Variants in SLC38A8 observed in about 807,000 individuals in gnomAD.
SLC38A8 encodes the protein amino acid transporter SLC38A8.
In SLC38A8, 65 loss-of-function variants were observed where a neutral mutation model predicts 46.0. The observed-to-expected ratio is 1.41, with a 90% confidence interval of 1.16 to 1.74. The LOEUF is 1.74. SLC38A8 is among the 40% of genes most tolerant of loss of function. The pLI, the probability that SLC38A8 is intolerant of heterozygous loss-of-function variation, is 0.00. For missense variants in SLC38A8, 998 were observed against 567.9 expected (o/e 1.76, Z -7.70); for synonymous variants, 447 against 243.7 (o/e 1.83, Z -7.77).
chr16:84,030,482 C>A (rs950185531), intron 5 of SLC38A8, among the ~76,000 whole-genome samples: 1 of 152,004 alleles, frequency 6.6e-6, no homozygotes, highest in Non-Finnish European at 1.5e-5. Context: ...CCGGACCTCT[C>A]TCTCTGAACT....
chr16:84,024,594 A>T (rs2085139155), intron 6 of SLC38A8, among the ~76,000 whole-genome samples: 1 of 151,842 alleles, frequency 6.6e-6, no homozygotes, highest in Non-Finnish European at 1.5e-5. Context: ...CAGCCTGGCC[A>T]ACATGGTGAA....
chr16:84,013,071 C>T lies in SLC38A8; in HGVS notation c.1163-19G>A. The T allele has an allele frequency of 6.2e-7, 1 of 1,613,976 alleles. No individual in the cohort carries two copies. The highest frequency in any genetic ancestry group is 8.5e-7 in the Non-Finnish European group (1 of 1,179,910). ...CACAAACCTGCAAAAAAGACAGGGT[C>T]ACCCACAGTTCTTCGTTATCAAACC... On this transcript the variant is annotated intron_variant, in intron 9 of 10. Coordinates refer to ENST00000299709, the MANE Select transcript of SLC38A8 (RefSeq NM_001080442.3).
At chr16:84,032,012 T>G (rs1205726202) in intron 4 of SLC38A8, 44 bp from the exon 5 acceptor site, 2 of 1,517,034 alleles carry the variant, frequency 1.3e-6, no homozygotes, top group African/African-American at 1.4e-5. Context: ...GGGTGACATG[T>G]GCGGTTGATG....
At chr16:84,026,634 G>A (rs968074814) in intron 6 of SLC38A8, among the ~76,000 whole-genome samples, 4 of 152,192 alleles carry the variant, frequency 2.6e-5, no homozygotes, top group African/African-American at 9.6e-5. Context: ...ACAGGAAGAC[G>A]ACACAGTGGC....
chr16:84,025,155 G>A (rs964455664), intron 6 of SLC38A8, among the ~76,000 whole-genome samples: 3 of 99,856 alleles, frequency 3.0e-5, no homozygotes, highest in African/African-American at 9.5e-5. Flanking sequence ...ACACCGGGCG[G>A]GGATGCTTTT....
intron 7 of SLC38A8, among the ~76,000 whole-genome samples, chr16:84,018,824 C>A (rs763904813): frequency 4.6e-5 from 7 of 152,150 alleles, no homozygotes; most frequent in African/African-American, 7.2e-5. Context: ...CAAAGGGGAT[C>A]TGGTCGGGGC....
At chr16:84,042,314 G>A (rs1490709851) in intron 1 of SLC38A8, among the ~76,000 whole-genome samples, 155 bp from the exon 2 acceptor site, 2 of 152,096 alleles carry the variant, frequency 1.3e-5, no homozygotes, top group Non-Finnish European at 2.9e-5. Flanking sequence ...AAAGGGTGCT[G>A]CATGCATCTG....
chr16:84,039,852 C>T (rs988867910), intron 2 of SLC38A8: 18 of 151,980 alleles, frequency 1.2e-4, no homozygotes, highest in African/African-American at 4.4e-4. Context: ...GGGACTGAGC[C>T]TCCAGGCAGC....
chr16:84,042,075 C>A lies in SLC38A8; in HGVS notation c.83G>T (p.Gly28Val). Residue 28 changes from glycine to valine, a missense_variant, in exon 2 of 11, where the codon GGC (glycine) becomes GTC (valine). Physicochemically the swap from Gly to Val is moderately radical, Grantham distance 109 (BLOSUM62 -3). Coordinates refer to ENST00000299709, the MANE Select transcript of SLC38A8 (RefSeq NM_001080442.3). ...GGACTTCATGAGGATGAAGACAGCG[C>A]CCATCGAGGACAGAGTGGCAGCAGC... ...ATAAATLSSM[G>V]AVFILMKSAL... 6.2e-7 allele frequency: 1 copy of A among 1,614,062 alleles called. No individual in the cohort carries two copies. The highest frequency in any genetic ancestry group is 8.5e-7 in the Non-Finnish European group (1 of 1,180,008).
chr16:84,018,957 G>A lies in SLC38A8; in HGVS notation c.806-1670C>T, dbSNP rs138716142. 2.9e-4 allele frequency among the ~76,000 whole-genome samples: 44 copies of A among 152,200 alleles called. No homozygotes were observed. In the East Asian group the frequency reaches 6.2e-3, roughly 21 times the overall value. ...TGCAGCCAGAAGTCCCGCTTCCAGT[G>A]ATGAGGACTATTTTCTCACCCTGGT... On this transcript the variant is annotated intron_variant, in intron 7 of 10. Coordinates refer to ENST00000299709, the MANE Select transcript of SLC38A8 (RefSeq NM_001080442.3).
In SLC38A8 at chr16:84,029,484, C is replaced by T. The variant is rs1194437778; in HGVS notation, c.690+10G>A. 1.9e-6 allele frequency: 3 copies of T among 1,613,936 alleles called. No homozygotes were observed. The highest frequency in any genetic ancestry group is 2.2e-5 in the East Asian group (1 of 44,874). On this transcript the variant is annotated intron_variant, in intron 6 of 10. Coordinates refer to ENST00000299709, the MANE Select transcript of SLC38A8 (RefSeq NM_001080442.3). ...AACGCCACAGGCTGCAACACAGATG[C>T]TAAAATTACCTGAAACCCGAAGCAG...
intron 5 of SLC38A8, among the ~76,000 whole-genome samples, chr16:84,031,127 G>A (rs568799196): frequency 5.6e-4 from 85 of 152,186 alleles, no homozygotes; most frequent in African/African-American, 1.9e-3. Flanking sequence ...TGCAACCTCT[G>A]CCACCCGGTT....
At chr16:84,013,383 G>A (rs979688333) in intron 9 of SLC38A8, among the ~76,000 whole-genome samples, 4 of 151,252 alleles carry the variant, frequency 2.6e-5, no homozygotes, top group East Asian at 1.9e-4. Context: ...GGAAGTGCTC[G>A]GCAACTGGCA....
intron 10 of SLC38A8, among the ~76,000 whole-genome samples, chr16:84,012,187 C>G (rs150843740): frequency 6.6e-6 from 1 of 152,230 alleles, no homozygotes; most frequent in Non-Finnish European, 1.5e-5. Flanking sequence ...TTACCTGCCT[C>G]AGCCTCAGTT....
At chr16:84,024,035 C>CTG in intron 6 of SLC38A8, among the ~76,000 whole-genome samples, 1 of 152,334 alleles carries the variant, frequency 6.6e-6, no homozygotes, top group African/African-American at 2.4e-5. Context: ...GGCAGCCGCC[C>CTG]TGTGTGTTTG....
At chr16:84,010,944 A>C (rs1008313389) in intron 10 of SLC38A8, among the ~76,000 whole-genome samples, 2 of 152,200 alleles carry the variant, frequency 1.3e-5, no homozygotes, top group Non-Finnish European at 2.9e-5. Context: ...CACCGAGGCC[A>C]CATTTGTGAG....
rs748297460 is a variant in SLC38A8 at position 84,018,931 on chromosome 16, T to C, written c.806-1644A>G. Among the ~76,000 whole-genome samples the C allele has an allele frequency of 3.9e-5, 6 of 152,082 alleles. No individual in the cohort carries two copies. The South Asian group carries it at 6.2e-4, about 16-fold the overall frequency. The stretch of plus-strand genomic sequence containing the variant: ...CAATAAGTGGATTTATTCAGGTCCA[T>C]TGCAGCCAGAAGTCCCGCTTCCAGT... On this transcript the variant is annotated intron_variant, in intron 7 of 10. Transcript: ENST00000299709.
chr16:84,033,297 G>A, intron 4 of SLC38A8, 31 bp downstream of exon 4: 1 of 1,613,500 alleles, frequency 6.2e-7, no homozygotes, highest in Non-Finnish European at 8.5e-7. Context: ...GCAAGGTGGG[G>A]GCCCCCACCA....
At chr16:84,012,452 C>T (rs920037765) in intron 10 of SLC38A8, among the ~76,000 whole-genome samples, 4 of 152,080 alleles carry the variant, frequency 2.6e-5, no homozygotes, top group Non-Finnish European at 5.9e-5. Flanking sequence ...TAGCATGGGG[C>T]CTGGGAGCCA....
Sources: allele counts gnomAD v4.1 joint callset (sites outside exome capture counted in the v4.1 genomes callset), GRCh38; gene constraint gnomAD v4.1.1; transcripts MANE v1.5; gene names NCBI Gene and HGNC (gene_info 2026-07-23, HGNC 2026-07-21).